Variants in FAM110B observed in about 807,000 individuals in gnomAD.
The protein encoded by FAM110B is family with sequence similarity 110 member B.
In FAM110B, 6 loss-of-function variants were observed where a neutral mutation model predicts 20.4. The ratio of observed to expected loss-of-function variants is 0.29; its 90% CI spans 0.16 to 0.58. FAM110B has a LOEUF of 0.58. Ranked by LOEUF, FAM110B falls within the 20% of genes least tolerant of loss-of-function variation. The pLI is 0.90. For synonymous variants in FAM110B, 226 were observed against 214.1 expected (o/e 1.06, Z -0.49); for missense variants, 434 against 498.2 (o/e 0.87, Z 1.23).
chr8:58,040,177 C>T (rs534013271), intron 2 of FAM110B, among the ~76,000 whole-genome samples: 7 of 151,982 alleles, frequency 4.6e-5, no homozygotes, highest in East Asian at 1.9e-4. Context: ...TTTGAGTGAA[C>T]GCTTTTTTTT....
intron 2 of FAM110B, among the ~76,000 whole-genome samples, chr8:58,044,237 A>G (rs1805278140): frequency 6.6e-6 from 1 of 152,200 alleles, no homozygotes; most frequent in Non-Finnish European, 1.5e-5. Flanking sequence ...TAGGGGTGCC[A>G]CTTACATAGA....
intron 3 of FAM110B, among the ~76,000 whole-genome samples, chr8:58,076,326 G>A (rs1213322511): frequency 6.6e-6 from 1 of 152,186 alleles, no homozygotes; most frequent in Non-Finnish European, 1.5e-5. Context: ...GGCACTGGGA[G>A]TGGGTGACCC....
Position 58,136,080 on chromosome 8 carries a change from C to T in FAM110B, c.-324-9827C>T, listed in dbSNP as rs531293471. Among the ~76,000 whole-genome samples, 8 of 143,058 alleles carry T rather than the reference C, an allele frequency of 5.6e-5. No homozygotes were observed. The East Asian group carries it at 1.2e-3, about 22-fold the overall frequency. 93.9% of individuals were successfully genotyped at this position (143,058 alleles called of 152,430 possible). On this transcript the variant is annotated intron_variant, in intron 3 of 3. Coordinates refer to ENST00000519262, the MANE Select transcript of FAM110B (RefSeq NM_001377989.1). ...AGGCTGAAGTTCAGTGATGTGATCT[C>T]GGCTCACTGCAACCTCTGCCTCCCA...
intron 2 of FAM110B, among the ~76,000 whole-genome samples, chr8:58,072,127 GCT>G (rs1439712818): frequency 6.6e-6 from 1 of 152,110 alleles, no homozygotes. Context: ...GATCCATCTC[GCT>G]CTCTGTGTGT....
chr8:58,059,048 G>A (rs1002605957), intron 2 of FAM110B, among the ~76,000 whole-genome samples: 4 of 152,152 alleles, frequency 2.6e-5, no homozygotes, highest in Non-Finnish European at 5.9e-5. Flanking sequence ...ATAGTAACTA[G>A]TGCTCTTTGC....
chr8:58,079,080 A>C (rs1291514599), intron 3 of FAM110B, among the ~76,000 whole-genome samples: 1 of 151,986 alleles, frequency 6.6e-6, no homozygotes, highest in Non-Finnish European at 1.5e-5. Context: ...AGCACCCCTG[A>C]CTTTTGCCTC....
intron 1 of FAM110B, among the ~76,000 whole-genome samples, chr8:58,027,203 G>T (rs998223181): frequency 7.2e-5 from 11 of 152,164 alleles, no homozygotes; most frequent in Non-Finnish European, 4.4e-5. Flanking sequence ...CTATTGTAAG[G>T]TCACAACTTA....
chr8:58,118,332 A>G (rs1326113222), intron 3 of FAM110B, among the ~76,000 whole-genome samples: 1 of 152,224 alleles, frequency 6.6e-6, no homozygotes, highest in Non-Finnish European at 1.5e-5. Flanking sequence ...CAAGAGCCAG[A>G]AAGCTCTGCA....
At chr8:58,064,094 G>T (rs1805713810) in intron 2 of FAM110B, among the ~76,000 whole-genome samples, 4 of 152,142 alleles carry the variant, frequency 2.6e-5, no homozygotes, top group Admixed American at 2.6e-4. Context: ...ACCAGATCTT[G>T]TGAGAACTCA....
At chr8:57,999,518 A>ATT (rs59392806) in intron 1 of FAM110B, among the ~76,000 whole-genome samples, 6 of 149,640 alleles carry the variant, frequency 4.0e-5, no homozygotes, top group African/African-American at 1.5e-4. Context: ...CTCGCCAGTG[A>ATT]TTTTTTTTTT....
intron 3 of FAM110B, among the ~76,000 whole-genome samples, chr8:58,078,984 T>G (rs1382817212): frequency 6.6e-6 from 1 of 152,178 alleles, no homozygotes; most frequent in South Asian, 2.1e-4. Context: ...CCAGACACCT[T>G]TTTTTTCCAA....
At chr8:58,045,263 G>A (rs929472317) in intron 2 of FAM110B, among the ~76,000 whole-genome samples, 3 of 152,176 alleles carry the variant, frequency 2.0e-5, no homozygotes, top group Non-Finnish European at 4.4e-5. Context: ...CAGGGTGTCA[G>A]CAAAGTGACA....
At chr8:58,070,777 C>G (rs944726798) in intron 2 of FAM110B, among the ~76,000 whole-genome samples, 8 of 152,200 alleles carry the variant, frequency 5.3e-5, no homozygotes, top group African/African-American at 1.9e-4. Context: ...GTGAAACACA[C>G]TCTAATTAGG....
intron 3 of FAM110B, among the ~76,000 whole-genome samples, chr8:58,136,304 C>G (rs1803614147): frequency 6.6e-6 from 1 of 152,018 alleles, no homozygotes; most frequent in Non-Finnish European, 1.5e-5. Flanking sequence ...GCCACCGTGC[C>G]CCGGCCCAGC....
At chr8:58,102,261 A>C (rs1382932970) in intron 3 of FAM110B, among the ~76,000 whole-genome samples, 1 of 152,226 alleles carries the variant, frequency 6.6e-6, no homozygotes, top group East Asian at 1.9e-4. Context: ...AACTTGGAAA[A>C]GCTAACACAG....
intron 2 of FAM110B, among the ~76,000 whole-genome samples, chr8:58,049,402 C>CTT (rs112316204): frequency 2.8e-5 from 4 of 145,258 alleles, no homozygotes; most frequent in African/African-American, 1.0e-4. Flanking sequence ...AAAAGCTAGT[C>CTT]TTTTTTTTTT....
chr8:58,007,742 T>C (rs1465687548), intron 1 of FAM110B, among the ~76,000 whole-genome samples: 3 of 152,140 alleles, frequency 2.0e-5, no homozygotes, highest in African/African-American at 7.2e-5. Flanking sequence ...CTGGCCTTGA[T>C]CTTGGGCTTC....
chr8:58,064,707 G>T (rs774125475), intron 2 of FAM110B, among the ~76,000 whole-genome samples: 3 of 152,252 alleles, frequency 2.0e-5, no homozygotes, highest in Non-Finnish European at 2.9e-5. Flanking sequence ...TGCTTTATGT[G>T]TACATTAACT....
intron 3 of FAM110B, among the ~76,000 whole-genome samples, chr8:58,112,943 C>T (rs907100496): frequency 3.3e-5 from 5 of 152,110 alleles, no homozygotes; most frequent in Non-Finnish European, 7.4e-5. Flanking sequence ...CTGGGAAGTC[C>T]AAGACCAAGA....
Sources: allele counts gnomAD v4.1 joint callset (sites outside exome capture counted in the v4.1 genomes callset), GRCh38; gene constraint gnomAD v4.1.1; transcripts MANE v1.5; gene names NCBI Gene and HGNC (gene_info 2026-07-23, HGNC 2026-07-21).